The following FRMD4B variants were observed in gnomAD, a reference collection of about 807,000 sequenced individuals.
The protein encoded by FRMD4B is FERM domain-containing protein 4B.
A neutral mutation model predicts 141.5 loss-of-function variants in FRMD4B; 74 were observed. That is an observed-to-expected ratio of 0.52 (90% CI 0.43 to 0.63). The LOEUF (loss-of-function observed/expected upper bound fraction) is 0.63, where lower values mean the gene tolerates loss of function less well. Among genes scored for constraint, FRMD4B ranks in the 30% least tolerant of loss-of-function variants. FRMD4B has a pLI of 0.00. For synonymous variants in FRMD4B, 506 were observed against 467.9 expected, an observed-to-expected ratio of 1.08 and a Z score of -1.05; for missense variants, 1,366 against 1,253.4, an observed-to-expected ratio of 1.09 and a Z score of -1.36.
chr3:69,264,206 C>T (rs969367334), intron 5 of FRMD4B, among the ~76,000 whole-genome samples: 3 of 152,282 alleles, frequency 2.0e-5, no homozygotes, highest in East Asian at 1.9e-4. Context: ...TCTCCTAATA[C>T]ACTATACACA....
chr3:69,502,715 CA>C (rs535710190), intron 1 of FRMD4B, among the ~76,000 whole-genome samples: 62 of 146,770 alleles, frequency 4.2e-4, no homozygotes, highest in Non-Finnish European at 6.0e-4. Context: ...TTCTGCACAG[CA>C]AAAAAAAAAC....
At chr3:69,252,855 A>C (rs1293807223) in intron 5 of FRMD4B, among the ~76,000 whole-genome samples, 2 of 152,158 alleles carry the variant, frequency 1.3e-5, no homozygotes, top group African/African-American at 4.8e-5. Context: ...GGGACACTTC[A>C]GTGAGTTTCC....
intron 1 of FRMD4B, among the ~76,000 whole-genome samples, chr3:69,374,029 T>C (rs533122010): frequency 6.6e-6 from 1 of 152,292 alleles, no homozygotes; most frequent in South Asian, 2.1e-4. Flanking sequence ...CACCAAGAAG[T>C]CAAGTAACTT....
At chr3:69,290,928 AC>A (rs1264052712) in intron 4 of FRMD4B, among the ~76,000 whole-genome samples, 1 of 152,210 alleles carries the variant, frequency 6.6e-6, no homozygotes, top group Non-Finnish European at 1.5e-5. Flanking sequence ...AGGAAGCTGA[AC>A]CCTTAGTAAT....
At chr3:69,334,690 T>C (rs9820322) in intron 1 of FRMD4B, among the ~76,000 whole-genome samples, 27,834 of 152,044 alleles carry the variant, frequency 0.18, 2,995 homozygotes, top group African/African-American at 0.29. Flanking sequence ...ATAGGTGATT[T>C]GAAGTCTGAG....
At chr3:69,533,089 T>G (rs997283480) in intron 1 of FRMD4B, among the ~76,000 whole-genome samples, 10 of 152,202 alleles carry the variant, frequency 6.6e-5, no homozygotes, top group African/African-American at 2.4e-4. Flanking sequence ...TGGTAATAGT[T>G]TAGTCAGCAA....
intron 19 of FRMD4B, among the ~76,000 whole-genome samples, chr3:69,186,854 C>A (rs2092773625): frequency 6.6e-6 from 1 of 152,120 alleles, no homozygotes; most frequent in Non-Finnish European, 1.5e-5. Context: ...TTGAAAATTT[C>A]TTTTTAGGCA....
At chr3:69,349,700 C>T (rs1335617604) in intron 1 of FRMD4B, among the ~76,000 whole-genome samples, 1 of 152,024 alleles carries the variant, frequency 6.6e-6, no homozygotes, top group East Asian at 1.9e-4. Context: ...CTTTGACAAA[C>T]CTGAGAAAAA....
In FRMD4B at chr3:69,336,896, A is replaced by T. The variant is rs574878766; in HGVS notation, c.163-23379T>A. Among the ~76,000 whole-genome samples, 15 of 152,352 alleles carry T rather than the reference A, an allele frequency of 9.8e-5. 1 individual carries two copies. In the South Asian group the frequency reaches 2.9e-3, roughly 29 times the overall value. ...GAGGCAGAGGTTGCAGTGAGCCAAG[A>T]TCATGCCACTACACTCCAGCCTGGG... On this transcript the variant is annotated intron_variant, in intron 1 of 22. Coordinates refer to ENST00000398540, the MANE Select transcript of FRMD4B (RefSeq NM_015123.3).
At chr3:69,345,988 C>G (rs1702925850) in intron 1 of FRMD4B, among the ~76,000 whole-genome samples, 1 of 152,114 alleles carries the variant, frequency 6.6e-6, no homozygotes, top group Admixed American at 6.5e-5. Flanking sequence ...CAGAGAATGA[C>G]TTTGATGAGT....
chr3:69,197,158 C>G (rs1262443692), intron 12 of FRMD4B, 120 bp from the exon 13 acceptor site: 10 of 695,610 alleles, frequency 1.4e-5, no homozygotes, highest in Non-Finnish European at 2.1e-5. Context: ...GTTGCAAAAA[C>G]TCTTACGCAA....
chr3:69,193,435 G>A (rs2107641979), intron 17 of FRMD4B, among the ~76,000 whole-genome samples: 1 of 152,254 alleles, frequency 6.6e-6, no homozygotes, highest in Middle Eastern at 3.4e-3. Context: ...TTGAACCCAT[G>A]AGGTGGAGTT....
chr3:69,175,117 CAGTG>C (rs2092629309), intron 22 of FRMD4B, among the ~76,000 whole-genome samples: 1 of 152,122 alleles, frequency 6.6e-6, no homozygotes, highest in African/African-American at 2.4e-5. Flanking sequence ...TTGATTGTAA[CAGTG>C]AGTGTCTTAA....
intron 15 of FRMD4B, 22 bp downstream of exon 15, chr3:69,195,209 G>A (rs577600015): frequency 2.5e-6 from 4 of 1,612,940 alleles, no homozygotes; most frequent in East Asian, 2.2e-5. Flanking sequence ...ACAACTTGAT[G>A]AGCCCCAAAA....
At chr3:69,239,712 G>A (rs1473424191) in intron 7 of FRMD4B, among the ~76,000 whole-genome samples, 1 of 152,106 alleles carries the variant, frequency 6.6e-6, no homozygotes, top group Non-Finnish European at 1.5e-5. Flanking sequence ...TGTTTAATGG[G>A]TGCAGAGTTT....
chr3:69,422,772 TCCCATA>T (rs1168885899), intron 2 of FRMD4B, among the ~76,000 whole-genome samples: 1 of 151,570 alleles, frequency 6.6e-6, no homozygotes, highest in African/African-American at 2.4e-5. Flanking sequence ...TTACTTGATT[TCCCATA>T]CAACCATTTA....
intron 11 of FRMD4B, among the ~76,000 whole-genome samples, chr3:69,211,652 T>C (rs559630054): frequency 6.6e-6 from 1 of 152,226 alleles, no homozygotes; most frequent in Non-Finnish European, 1.5e-5. Flanking sequence ...TGGCCTGCTT[T>C]TAAGCCACAT....
At chr3:69,327,285 A>G (rs1266039399) in intron 1 of FRMD4B, among the ~76,000 whole-genome samples, 1 of 152,240 alleles carries the variant, frequency 6.6e-6, no homozygotes, top group Non-Finnish European at 1.5e-5. Flanking sequence ...CAAAGACTTA[A>G]AAGTCTCAAG....
At chr3:69,247,924 C>T (rs1247184912) in intron 7 of FRMD4B, among the ~76,000 whole-genome samples, 2 of 152,168 alleles carry the variant, frequency 1.3e-5, no homozygotes, top group African/African-American at 4.8e-5. Flanking sequence ...GCTGGGATTA[C>T]AGGCGTGAGC....
Sources: gnomAD v4.1 joint callset for allele counts (sites outside exome capture counted in the v4.1 genomes callset) on GRCh38, gnomAD v4.1.1 for gene constraint, MANE v1.5 for transcripts, NCBI Gene and HGNC (gene_info 2026-07-23, HGNC 2026-07-21) for gene names.